ABI3BP: variants seen among roughly 807,000 people sequenced by gnomAD.
The protein encoded by ABI3BP is target of Nesh-SH3.
A neutral mutation model predicts 268.6 loss-of-function variants in ABI3BP; 216 were observed. That is an observed-to-expected ratio of 0.80 (90% confidence interval 0.72 to 0.90). The LOEUF is 0.90. Ranked by LOEUF, ABI3BP falls within the 40% of genes least tolerant of loss-of-function variation. The pLI is 0.00. For missense variants in ABI3BP, 2,090 were observed against 2,182.4 expected, an observed-to-expected ratio of 0.96 and a Z score of 0.84; for synonymous variants, 730 against 730.0, an observed-to-expected ratio of 1.00 and a Z score of 0.00.
At chr3:100,826,169 G>T (rs1238506510) in intron 34 of ABI3BP, among the ~76,000 whole-genome samples, 1 of 152,160 alleles carries the variant, frequency 6.6e-6, no homozygotes, top group Non-Finnish European at 1.5e-5. Flanking sequence ...GCCATGTGAG[G>T]ATACAGTGAG....
At chr3:100,957,618 A>C (rs2077283105) in intron 1 of ABI3BP, among the ~76,000 whole-genome samples, 1 of 152,196 alleles carries the variant, frequency 6.6e-6, no homozygotes, top group Non-Finnish European at 1.5e-5. Flanking sequence ...GGGACACTCC[A>C]ATTTAAGAGA....
intron 4 of ABI3BP, among the ~76,000 whole-genome samples, chr3:100,892,696 A>G (rs2045321684): frequency 6.6e-6 from 1 of 152,208 alleles, no homozygotes; most frequent in Non-Finnish European, 1.5e-5. Flanking sequence ...GCTCCTTCTC[A>G]GGCCTACTGA....
chr3:100,847,806 T>G (rs534919994), intron 18 of ABI3BP, 133 bp from the exon 19 acceptor site: 104 of 731,528 alleles, frequency 1.4e-4, no homozygotes, highest in Middle Eastern at 2.9e-4. Flanking sequence ...GTAAAAGTTT[T>G]GAGGAAGAAT....
intron 3 of ABI3BP, 36 bp downstream of exon 3, chr3:100,902,582 C>A (rs2576365): frequency 0.85 from 1,365,348 of 1,597,696 alleles, 585,036 homozygotes; most frequent in East Asian, 1. Flanking sequence ...GTTCAAAGTT[C>A]ATAAAAGAAA....
chr3:100,827,717 C>A (rs937140337), intron 34 of ABI3BP, among the ~76,000 whole-genome samples: 10 of 151,958 alleles, frequency 6.6e-5, no homozygotes, highest in African/African-American at 2.2e-4. Context: ...TGCAAAGATG[C>A]AAATTTGACA....
chr3:100,935,455 A>T (rs2065639636), intron 1 of ABI3BP, among the ~76,000 whole-genome samples: 1 of 152,196 alleles, frequency 6.6e-6, no homozygotes, highest in African/African-American at 2.4e-5. Context: ...TGTCTTGGCT[A>T]TGCAGGCTCT....
chr3:100,959,502 A>G (rs1381515772), intron 1 of ABI3BP, among the ~76,000 whole-genome samples: 3 of 150,884 alleles, frequency 2.0e-5, no homozygotes, highest in Non-Finnish European at 4.4e-5. Context: ...AAAAAAAAAA[A>G]AAAAAAAAAA....
At chr3:100,816,915 C>T (rs1267183309) in intron 42 of ABI3BP, 147 bp from the exon 43 acceptor site, 1 of 635,172 alleles carries the variant, frequency 1.6e-6, no homozygotes, top group African/African-American at 1.8e-5. Context: ...TTTTCTTAAT[C>T]ACTGAAGATT....
At chr3:100,935,275 A>G (rs34515751) in intron 1 of ABI3BP, among the ~76,000 whole-genome samples, 15,708 of 152,200 alleles carry the variant, frequency 0.1, 1,098 homozygotes, top group Non-Finnish European at 0.15. Flanking sequence ...TTTGTCAAAG[A>G]TCAGATGGTT....
chr3:100,840,984 T>C, intron 21 of ABI3BP, 126 bp from the exon 22 acceptor site: 3 of 730,172 alleles, frequency 4.1e-6, no homozygotes, highest in Non-Finnish European at 6.4e-6. Flanking sequence ...GTGAAGCTTT[T>C]ATCCACATGC....
chr3:100,854,684 T>C (rs543425997), intron 14 of ABI3BP, among the ~76,000 whole-genome samples: 1 of 152,346 alleles, frequency 6.6e-6, no homozygotes, highest in East Asian at 1.9e-4. Flanking sequence ...TTAAGCAGTA[T>C]TACTGATTTT....
chr3:100,959,233 G>A (rs2077962684), intron 1 of ABI3BP, among the ~76,000 whole-genome samples: 4 of 152,212 alleles, frequency 2.6e-5, no homozygotes, highest in Admixed American at 2.0e-4. Context: ...GCTCACGCCT[G>A]TAATCCCAGC....
chr3:100,821,597 C>CTTTTGTT (rs1560446114), intron 38 of ABI3BP, among the ~76,000 whole-genome samples: 1 of 119,136 alleles, frequency 8.4e-6, no homozygotes. Context: ...TGAAGTAAGA[C>CTTTTGTT]TTTTTTTTTT....
At chr3:100,825,013 G>T in intron 35 of ABI3BP, 72 bp from the exon 36 acceptor site, 1 of 1,298,740 alleles carries the variant, frequency 7.7e-7, no homozygotes, top group Non-Finnish European at 1.1e-6. Context: ...TTTTTCCAAA[G>T]CTTGTCAGAT....
At chr3:100,841,632 T>A (rs1317503009) in intron 21 of ABI3BP, among the ~76,000 whole-genome samples, 1 of 152,148 alleles carries the variant, frequency 6.6e-6, no homozygotes, top group Non-Finnish European at 1.5e-5. Context: ...TTCACACCTG[T>A]AATCCCAGCA....
chr3:100,966,134 T>C (rs867594312), intron 1 of ABI3BP, among the ~76,000 whole-genome samples: 2 of 152,212 alleles, frequency 1.3e-5, no homozygotes, highest in African/African-American at 2.4e-5. Context: ...AGTGGTCACA[T>C]TGGATTCATA....
At chr3:100,798,440 A>G (rs1452150855) in intron 51 of ABI3BP, among the ~76,000 whole-genome samples, 1 of 152,260 alleles carries the variant, frequency 6.6e-6, no homozygotes, top group South Asian at 2.1e-4. Flanking sequence ...TGTATGTTAA[A>G]TTGAACAAGA....
At chr3:100,807,839 T>C (rs2097756769) in intron 50 of ABI3BP, among the ~76,000 whole-genome samples, 1 of 151,972 alleles carries the variant, frequency 6.6e-6, no homozygotes, top group Non-Finnish European at 1.5e-5. Flanking sequence ...CATTCAGGAA[T>C]AGTGGAAGGG....
chr3:100,771,582 A>G (rs1445955623), intron 61 of ABI3BP, among the ~76,000 whole-genome samples: 3 of 152,202 alleles, frequency 2.0e-5, no homozygotes, highest in Admixed American at 6.5e-5. Flanking sequence ...TGATATTAAA[A>G]AAGACCCAAA....
Sources: allele counts gnomAD v4.1 joint callset (sites outside exome capture counted in the v4.1 genomes callset), GRCh38; gene constraint gnomAD v4.1.1; transcripts MANE v1.5; gene names NCBI Gene and HGNC (gene_info 2026-07-23, HGNC 2026-07-21).